ZNF804B: variants seen among roughly 807,000 people sequenced by gnomAD.
The protein encoded by ZNF804B is zinc finger 804B.
Under a neutral mutation model 101.4 loss-of-function variants are expected in ZNF804B, and 80 were observed. That is an observed-to-expected ratio of 0.79 (90% CI 0.66 to 0.95). The LOEUF (loss-of-function observed/expected upper bound fraction) is 0.95, where lower values mean the gene tolerates loss of function less well. ZNF804B is among the 40% of genes least tolerant of loss of function. The pLI is 0.00. For missense variants in ZNF804B, 1,673 were observed against 1,561.9 expected (o/e 1.07, Z -1.20); for synonymous variants, 622 against 558.8 (o/e 1.11, Z -1.59).
At chr7:88,826,580 G>A (rs769761845) in intron 1 of ZNF804B, among the ~76,000 whole-genome samples, 44 of 152,170 alleles carry the variant, frequency 2.9e-4, no homozygotes, top group Middle Eastern at 3.4e-3. Context: ...CTTTCTCATG[G>A]GCCTTAGTTG....
intron 1 of ZNF804B, among the ~76,000 whole-genome samples, chr7:88,940,185 A>C (rs1050948006): frequency 6.6e-6 from 1 of 152,046 alleles, no homozygotes; most frequent in African/African-American, 2.4e-5. Context: ...TGAGGAGAGC[A>C]ATCAGATACA....
intron 1 of ZNF804B, among the ~76,000 whole-genome samples, chr7:89,172,168 A>G (rs911788318): frequency 6.6e-6 from 1 of 152,146 alleles, no homozygotes; most frequent in African/African-American, 2.4e-5. Context: ...TCAGAGACCA[A>G]TTGAAGAAAC....
At chr7:88,814,260 A>G (rs1790839245) in intron 1 of ZNF804B, among the ~76,000 whole-genome samples, 1 of 152,202 alleles carries the variant, frequency 6.6e-6, no homozygotes, top group East Asian at 1.9e-4. Context: ...AAAAAGGTGT[A>G]CATCTGGCTA....
chr7:89,324,134 G>T (rs531968208), intron 2 of ZNF804B, among the ~76,000 whole-genome samples: 1 of 150,986 alleles, frequency 6.6e-6, no homozygotes, highest in Non-Finnish European at 1.5e-5. Flanking sequence ...AACGTTTTCC[G>T]TAAGTATTGG....
At chr7:88,828,110 T>A (rs1408047980) in intron 1 of ZNF804B, among the ~76,000 whole-genome samples, 2 of 152,134 alleles carry the variant, frequency 1.3e-5, no homozygotes, top group Admixed American at 6.6e-5. Flanking sequence ...GTCCTTACTA[T>A]GGCCTACAAG....
chr7:89,123,157 C>CTT (rs61180790), intron 1 of ZNF804B, among the ~76,000 whole-genome samples: 9 of 147,176 alleles, frequency 6.1e-5, no homozygotes, highest in African/African-American at 2.3e-4. Context: ...CCAAGTTCAG[C>CTT]TTTTTTTTTT....
At chr7:88,906,002 T>G (rs1489027519) in intron 1 of ZNF804B, among the ~76,000 whole-genome samples, 1 of 151,598 alleles carries the variant, frequency 6.6e-6, no homozygotes, top group Non-Finnish European at 1.5e-5. Flanking sequence ...TGATTAAATC[T>G]GGAAGATTGT....
intron 2 of ZNF804B, among the ~76,000 whole-genome samples, chr7:89,293,100 T>C (rs1163666470): frequency 1.3e-5 from 2 of 151,762 alleles, no homozygotes; most frequent in East Asian, 3.9e-4. Context: ...TTTTATCTTC[T>C]GAACTTTTGA....
At chr7:89,040,543 A>G (rs374418432) in intron 1 of ZNF804B, among the ~76,000 whole-genome samples, 12 of 152,144 alleles carry the variant, frequency 7.9e-5, no homozygotes, top group African/African-American at 2.2e-4. Context: ...TCGTATGTCT[A>G]TGTTCTCTTA....
chr7:89,309,786 A>G (rs1367372776), intron 2 of ZNF804B, among the ~76,000 whole-genome samples: 11 of 147,182 alleles, frequency 7.5e-5, no homozygotes, highest in African/African-American at 2.5e-4. Flanking sequence ...AAAAAAAAAA[A>G]AAAAAAAAAA....
At chr7:89,321,899 G>C (rs940751759) in intron 2 of ZNF804B, among the ~76,000 whole-genome samples, 7 of 152,066 alleles carry the variant, frequency 4.6e-5, no homozygotes, top group African/African-American at 1.4e-4. Context: ...AAAGAGATAT[G>C]ACAGTACTAA....
intron 1 of ZNF804B, among the ~76,000 whole-genome samples, chr7:88,838,675 T>C (rs182144948): frequency 2.0e-5 from 3 of 152,072 alleles, no homozygotes; most frequent in African/African-American, 7.2e-5. Context: ...GCTCAGACTT[T>C]CTTGATTTGA....
At chr7:89,035,969 T>TATATA (rs1788920676) in intron 1 of ZNF804B, among the ~76,000 whole-genome samples, 1 of 145,254 alleles carries the variant, frequency 6.9e-6, no homozygotes, top group Non-Finnish European at 1.5e-5. Context: ...ACAATACATA[T>TATATA]TATATATTGT....
Position 88,897,122 on chromosome 7 carries a change from G to A in ZNF804B, c.108+137038G>A, listed in dbSNP as rs181525237. Among the ~76,000 whole-genome samples the A allele has an allele frequency of 2.7e-3, 412 of 152,268 alleles. 1 individual carries two copies. Among genetic ancestry groups the A allele is most frequent in the South Asian group, 0.013 (61 of 4,814 alleles). On this transcript the variant is annotated intron_variant, in intron 1 of 3. Coordinates refer to ENST00000333190, the MANE Select transcript of ZNF804B (RefSeq NM_181646.5). The stretch of plus-strand genomic sequence containing the variant: ...TGATGCCACCACTAAAGATATCCAT[G>A]CATTAACCCCCAGAACCTGTGCATG...
intron 2 of ZNF804B, among the ~76,000 whole-genome samples, chr7:89,287,838 C>G (rs719372): frequency 0.77 from 116,568 of 151,898 alleles, 45,854 homozygotes; most frequent in African/African-American, 0.93. Flanking sequence ...AAATATCTAG[C>G]AGTAAGAACA....
At chr7:88,924,610 G>T (rs1792768933) in intron 1 of ZNF804B, among the ~76,000 whole-genome samples, 1 of 152,016 alleles carries the variant, frequency 6.6e-6, no homozygotes, top group African/African-American at 2.4e-5. Flanking sequence ...ACAAGCCTTT[G>T]TATTAAGTCC....
At chr7:89,055,591 A>G (rs1052124478) in intron 1 of ZNF804B, among the ~76,000 whole-genome samples, 2 of 152,070 alleles carry the variant, frequency 1.3e-5, no homozygotes, top group Admixed American at 6.6e-5. Context: ...CCTGATATCA[A>G]CTTCACCTCT....
chr7:89,248,466 G>GA (rs139869508), intron 2 of ZNF804B, among the ~76,000 whole-genome samples: 14 of 140,836 alleles, frequency 9.9e-5, no homozygotes, highest in South Asian at 4.6e-4. Flanking sequence ...AGCATTCTTT[G>GA]AAAAAAAAAG....
intron 1 of ZNF804B, among the ~76,000 whole-genome samples, chr7:88,847,287 TA>T (rs1390403518): frequency 2.0e-5 from 3 of 152,068 alleles, no homozygotes; most frequent in Admixed American, 2.0e-4. Flanking sequence ...TCAACTATGT[TA>T]ATATTCCATC....
Sources: allele counts gnomAD v4.1 joint callset (sites outside exome capture counted in the v4.1 genomes callset), GRCh38; gene constraint gnomAD v4.1.1; transcripts MANE v1.5; gene names NCBI Gene and HGNC (gene_info 2026-07-23, HGNC 2026-07-21).